Variants in ARHGAP6 observed in about 807,000 individuals in gnomAD.
ARHGAP6 encodes rho GTPase-activating protein 6.
In ARHGAP6, 16 loss-of-function variants were observed where a neutral mutation model predicts 55.7. That is an observed-to-expected ratio of 0.29 (90% CI 0.19 to 0.44). ARHGAP6 has a LOEUF of 0.44. Ranked by LOEUF, ARHGAP6 falls within the 20% of genes least tolerant of loss-of-function variation. ARHGAP6 has a pLI of 1.00. For synonymous variants in ARHGAP6, 382 were observed against 360.9 expected, an observed-to-expected ratio of 1.06 and a Z score of -0.66; for missense variants, 698 against 808.9, an observed-to-expected ratio of 0.86 and a Z score of 1.66.
At chrX:11,313,137 T>C (rs2048319570) in intron 1 of ARHGAP6, among the ~76,000 whole-genome samples, 1 of 112,650 alleles carries the variant, frequency 8.9e-6, no homozygotes, top group Middle Eastern at 4.2e-3. Context: ...GGTTAGAACA[T>C]GCTCAACTTT....
At chrX:11,288,274 T>C (rs1020296731) in intron 1 of ARHGAP6, among the ~76,000 whole-genome samples, 3 of 112,161 alleles carry the variant, frequency 2.7e-5, no homozygotes, top group Non-Finnish European at 3.8e-5. Context: ...AATAAACATT[T>C]AAACATGTTA....
At position 11,595,309 on chromosome X, in the gene ARHGAP6, AAG is replaced by A. The variant is rs1192859424; in HGVS notation, c.588+68930_588+68931del. Reference sequence around the variant, plus strand: ...TGTCTCAAGAGAAAAAAAAAAAAAAAAGAAGGATCAAAAAGAAAAGATTCCCT... The same window carrying A: ...TGTCTCAAGAGAAAAAAAAAAAAAAAAAGGATCAAAAAGAAAAGATTCCCT... On this transcript the variant is annotated intron_variant, in intron 1 of 12. Coordinates refer to ENST00000337414, the MANE Select transcript of ARHGAP6 (RefSeq NM_013427.3). Among the ~76,000 whole-genome samples the A allele has an allele frequency of 3.2e-3, 347 of 109,920 alleles. 1 individual carries two copies. Among genetic ancestry groups the A allele is most frequent in the African/African-American group, 0.01 (309 of 30,221 alleles).
chrX:11,276,394 G>C (rs181546310), intron 1 of ARHGAP6, among the ~76,000 whole-genome samples: 37 of 112,216 alleles, frequency 3.3e-4, no homozygotes, highest in Admixed American at 8.5e-4. Context: ...ATTTGAAGGA[G>C]AGTAGCAATT....
chrX:11,591,222 A>G (rs759236129), intron 1 of ARHGAP6, among the ~76,000 whole-genome samples: 1 of 109,762 alleles, frequency 9.1e-6, no homozygotes, highest in South Asian at 3.8e-4. Context: ...AAATAAATAT[A>G]TAAATAAATA....
intron 1 of ARHGAP6, among the ~76,000 whole-genome samples, chrX:11,458,094 G>A (rs775028249): frequency 8.9e-6 from 1 of 112,149 alleles, no homozygotes; most frequent in South Asian, 3.7e-4. Flanking sequence ...ATGGAAGGGA[G>A]TCATACTTTA....
intron 2 of ARHGAP6, among the ~76,000 whole-genome samples, chrX:11,248,020 T>A (rs1386063961): frequency 8.9e-6 from 1 of 112,101 alleles, no homozygotes; most frequent in Non-Finnish European, 1.9e-5. Flanking sequence ...CAAAAGCATT[T>A]TCAAAAGTCT....
intron 1 of ARHGAP6, among the ~76,000 whole-genome samples, chrX:11,373,435 C>T (rs2049168631): frequency 9.0e-6 from 1 of 110,667 alleles, no homozygotes; most frequent in South Asian, 3.8e-4. Flanking sequence ...AATATTTATC[C>T]TGAAGCAAGG....
chrX:11,381,507 T>C (rs2049262720), intron 1 of ARHGAP6, among the ~76,000 whole-genome samples: 1 of 111,915 alleles, frequency 8.9e-6, no homozygotes, highest in Admixed American at 9.5e-5. Flanking sequence ...CCAGTTGTTG[T>C]CCAAAGAACA....
At chrX:11,356,742 T>C (rs902122496) in intron 1 of ARHGAP6, among the ~76,000 whole-genome samples, 2 of 111,900 alleles carry the variant, frequency 1.8e-5, no homozygotes, top group Non-Finnish European at 3.8e-5. Context: ...TTAACATATT[T>C]TGATATAATA....
chrX:11,145,071 C>G lies in ARHGAP6; in HGVS notation c.1908-823G>C, dbSNP rs2045671322. The G allele has an allele frequency of 3.6e-5, 4 of 112,154 alleles. 1 individual carries two copies. The South Asian group carries it at 1.5e-3, about 42-fold the overall frequency. The allele number at this position is 112,154 out of a possible 1,213,427, so 9.2% of individuals were successfully genotyped here. On this transcript the variant is annotated intron_variant, in intron 10 of 12. Transcript: ENST00000337414. ...CGTGAAAAGAGCATGGGAAGTCTTACCTGGAAACATCTTTCTTTTCTACCC... is the reference window on the plus strand; with the variant it reads ...CGTGAAAAGAGCATGGGAAGTCTTAGCTGGAAACATCTTTCTTTTCTACCC...
intron 9 of ARHGAP6, among the ~76,000 whole-genome samples, chrX:11,162,973 T>TA (rs926047278): frequency 2.7e-5 from 3 of 112,173 alleles, no homozygotes; most frequent in African/African-American, 9.7e-5. Context: ...TTACATTTTT[T>TA]AAAAAATCAA....
intron 1 of ARHGAP6, among the ~76,000 whole-genome samples, chrX:11,472,096 A>G (rs2050352305): frequency 8.9e-6 from 1 of 111,754 alleles, no homozygotes; most frequent in Admixed American, 9.5e-5. Flanking sequence ...AAAAGCAACA[A>G]ATAAATAGGT....
intron 1 of ARHGAP6, among the ~76,000 whole-genome samples, chrX:11,500,303 T>G (rs975070655): frequency 3.7e-5 from 4 of 107,282 alleles, no homozygotes; most frequent in African/African-American, 1.4e-4. Flanking sequence ...CCACTGAGAA[T>G]AAAATACCCT....
chrX:11,526,888 C>G (rs1603242722), intron 1 of ARHGAP6, among the ~76,000 whole-genome samples: 1 of 111,246 alleles, frequency 9.0e-6, no homozygotes, highest in Admixed American at 9.6e-5. Context: ...CTTAGTAATT[C>G]TAACTATGAG....
At chrX:11,537,192 C>T in intron 1 of ARHGAP6, among the ~76,000 whole-genome samples, 2 of 112,372 alleles carry the variant, frequency 1.8e-5, no homozygotes, top group Middle Eastern at 4.6e-3. Context: ...GAATCAGAAA[C>T]GTCCTGTCGC....
At chrX:11,437,261 A>G (rs141837292) in intron 1 of ARHGAP6, among the ~76,000 whole-genome samples, 1,568 of 112,257 alleles carry the variant, frequency 0.014, 28 homozygotes, top group African/African-American at 0.047. Flanking sequence ...ACGCCCTTCA[A>G]ACTCTAAAAT....
chrX:11,513,311 T>G (rs917481750), intron 1 of ARHGAP6, among the ~76,000 whole-genome samples: 1 of 111,688 alleles, frequency 9.0e-6, no homozygotes, highest in African/African-American at 3.3e-5. Context: ...ACCCACAAGA[T>G]TTTGTTCTTT....
chrX:11,197,500 C>T (rs2046556448), intron 2 of ARHGAP6, among the ~76,000 whole-genome samples: 1 of 111,714 alleles, frequency 9.0e-6, no homozygotes, highest in Non-Finnish European at 1.9e-5. Context: ...GTCTTTGTGT[C>T]CTCATTTATA....
intron 1 of ARHGAP6, among the ~76,000 whole-genome samples, chrX:11,484,529 G>A (rs2050491663): frequency 1.1e-5 from 1 of 91,873 alleles, no homozygotes. Flanking sequence ...AGGAGGCAGA[G>A]GAGGAGGAGG....
Sources: gnomAD v4.1 joint callset for allele counts (sites outside exome capture counted in the v4.1 genomes callset) on GRCh38, gnomAD v4.1.1 for gene constraint, MANE v1.5 for transcripts, NCBI Gene and HGNC (gene_info 2026-07-23, HGNC 2026-07-21) for gene names.